LOXHD1: variants seen among roughly 807,000 people sequenced by gnomAD.
The protein encoded by LOXHD1 is lipoxygenase homology domain-containing protein 1.
Under a neutral mutation model 248.2 loss-of-function variants are expected in LOXHD1, and 205 were observed. That is an observed-to-expected ratio of 0.83 (90% CI 0.74 to 0.93). The LOEUF is 0.93. LOXHD1 is among the 40% of genes least tolerant of loss of function. The pLI, the probability that LOXHD1 is intolerant of heterozygous loss-of-function variation, is 0.00. For synonymous variants in LOXHD1, 1,113 were observed against 1,162.8 expected, an observed-to-expected ratio of 0.96 and a Z score of 0.87; for missense variants, 2,930 against 2,971.6, an observed-to-expected ratio of 0.99 and a Z score of 0.33.
chr18:46,603,498 A>G (rs1284266231), intron 7 of LOXHD1, among the ~76,000 whole-genome samples: 4 of 152,142 alleles, frequency 2.6e-5, no homozygotes, highest in Non-Finnish European at 4.4e-5. Flanking sequence ...GATGTACACA[A>G]TATCAACGTT....
intron 20 of LOXHD1, 84 bp downstream of exon 20, chr18:46,559,364 T>C (rs759711256): frequency 5.4e-5 from 83 of 1,549,796 alleles, no homozygotes; most frequent in Non-Finnish European, 6.7e-5. Context: ...ACAGCAGCCA[T>C]TGTGCTGCGA....
intron 20 of LOXHD1, 169 bp downstream of exon 20, chr18:46,559,279 C>T: frequency 6.5e-7 from 1 of 1,536,316 alleles, no homozygotes; most frequent in South Asian, 1.2e-5. Flanking sequence ...CTCATAACCC[C>T]TCCACAAAGT....
intron 8 of LOXHD1, among the ~76,000 whole-genome samples, chr18:46,598,808 A>T (rs893414284): frequency 3.3e-5 from 5 of 152,190 alleles, no homozygotes; most frequent in African/African-American, 1.2e-4. Context: ...GAAGACATAA[A>T]TTTTAAGAAG....
At chr18:46,531,400 C>G (rs78648213) in intron 28 of LOXHD1, among the ~76,000 whole-genome samples, 6 of 152,168 alleles carry the variant, frequency 3.9e-5, no homozygotes, top group African/African-American at 1.4e-4. Context: ...CAACAGTTGA[C>G]GGTCTCCCCC....
intron 2 of LOXHD1, among the ~76,000 whole-genome samples, chr18:46,648,137 A>G (rs1416304476): frequency 6.6e-6 from 1 of 152,244 alleles, no homozygotes; most frequent in Non-Finnish European, 1.5e-5. Flanking sequence ...ACACGCCTGT[A>G]GTTCCAGCTA....
chr18:46,582,040 G>T (rs569794852), intron 12 of LOXHD1, among the ~76,000 whole-genome samples: 2 of 152,264 alleles, frequency 1.3e-5, no homozygotes, highest in Admixed American at 1.3e-4. Flanking sequence ...AAATATTAAA[G>T]AAACCTTCAT....
chr18:46,532,744 G>T (rs2036129004), intron 28 of LOXHD1, among the ~76,000 whole-genome samples: 1 of 152,168 alleles, frequency 6.6e-6, no homozygotes, highest in South Asian at 2.1e-4. Flanking sequence ...AATCAAGAAG[G>T]TTTCTTGATT....
intron 24 of LOXHD1, 64 bp from the exon 25 acceptor site, chr18:46,542,004 C>G (rs974862099): frequency 2.1e-6 from 3 of 1,450,842 alleles, no homozygotes; most frequent in South Asian, 1.4e-5. Context: ...CTGTGGGTAA[C>G]TTCAGGGACT....
intron 33 of LOXHD1, chr18:46,520,325 CAAG>C (rs2035510702): frequency 2.1e-6 from 1 of 470,962 alleles, no homozygotes; most frequent in Non-Finnish European, 4.4e-6. Flanking sequence ...TGACCTGGTC[CAAG>C]AAGCCCATTG....
In LOXHD1 at chr18:46,592,591, T is replaced by C. The variant is rs1431278670; in HGVS notation, c.1432-7A>G. The stretch of plus-strand genomic sequence containing the variant: ...CAAGATCCGGGAGCTCAATCTATGG[T>C]GAGAAATAAAAACATTTGAGTGGGC... On this transcript the variant is annotated splice_region_variant and splice_polypyrimidine_tract_variant and intron_variant, in intron 10 of 40. Transcript: ENST00000642948. The C allele has an allele frequency of 1.3e-6, 2 of 1,550,322 alleles. No homozygotes were observed. Among genetic ancestry groups the C allele is most frequent in the Non-Finnish European group, 1.7e-6 (2 of 1,145,784 alleles).
At chr18:46,543,040 A>G (rs1176219427) in intron 23 of LOXHD1, among the ~76,000 whole-genome samples, 185 bp from the exon 24 acceptor site, 2 of 152,186 alleles carry the variant, frequency 1.3e-5, no homozygotes, top group East Asian at 3.8e-4. Flanking sequence ...TTTTATTTCA[A>G]TAGCTTTTGG....
chr18:46,587,479 G>A (rs2144199788), intron 12 of LOXHD1, among the ~76,000 whole-genome samples: 1 of 152,258 alleles, frequency 6.6e-6, no homozygotes, highest in African/African-American at 2.4e-5. Flanking sequence ...GGTCCCTTTG[G>A]TTGGAAGTTC....
At chr18:46,579,557 G>T in intron 13 of LOXHD1, 73 bp downstream of exon 13, 4 of 1,539,250 alleles carry the variant, frequency 2.6e-6, no homozygotes, top group Non-Finnish European at 3.5e-6. Context: ...CTTTAACAGG[G>T]CAGGGAAGAC....
At chr18:46,550,580 A>G (rs796595043) in intron 21 of LOXHD1, among the ~76,000 whole-genome samples, 6 of 59,476 alleles carry the variant, frequency 1.0e-4, no homozygotes, top group African/African-American at 2.6e-4. Context: ...ACTCCGTCTC[A>G]AAAAAAAAAA....
At chr18:46,592,299 T>A (rs1016543097) in intron 11 of LOXHD1, among the ~76,000 whole-genome samples, 199 bp downstream of exon 11, 4 of 152,116 alleles carry the variant, frequency 2.6e-5, no homozygotes, top group Non-Finnish European at 5.9e-5. Context: ...CACCTGAGCG[T>A]TTTCTTAATC....
Position 46,649,215 on chromosome 18 carries a change from T to G in LOXHD1, c.185A>C (p.Asn62Thr). The change falls in exon 2 of 41, where the codon AAT becomes ACT. Residue 62 changes from asparagine to threonine, a missense_variant. Physicochemically the swap from Asn to Thr is moderately conservative, Grantham distance 65. Transcript: ENST00000642948. ...GDVRGAGTDA[N>T]VFITLFGENG... Reference sequence around the variant, plus strand: ...CTCTCCAAAAAGCGTGATGAAGACATTGGCATCCGTCCCTGCACCGCGAAC... The same window carrying G: ...CTCTCCAAAAAGCGTGATGAAGACAGTGGCATCCGTCCCTGCACCGCGAAC... 1 of 1,551,782 alleles carries G rather than the reference T, an allele frequency of 6.4e-7. No homozygotes were observed. The highest frequency in any genetic ancestry group is 8.7e-7 in the Non-Finnish European group (1 of 1,147,012).
At chr18:46,617,676 T>C (rs185094237) in intron 5 of LOXHD1, among the ~76,000 whole-genome samples, 108 of 152,326 alleles carry the variant, frequency 7.1e-4, no homozygotes, top group Middle Eastern at 6.8e-3. Context: ...GAGAACCACC[T>C]GTCTCATTCT....
intron 27 of LOXHD1, 118 bp downstream of exon 27, chr18:46,534,217 A>T (rs529644960): frequency 1.8e-5 from 12 of 660,390 alleles, no homozygotes; most frequent in Non-Finnish European, 2.9e-5. Flanking sequence ...AATTTTCATT[A>T]TGAGATTTTT....
At chr18:46,520,435 G>A in intron 33 of LOXHD1, 1 of 384,964 alleles carries the variant, frequency 2.6e-6, no homozygotes, top group Non-Finnish European at 5.2e-6. Context: ...TGAAACAGAG[G>A]CTTCTGGGCC....
Sources: gnomAD v4.1 joint callset for allele counts (sites outside exome capture counted in the v4.1 genomes callset) on GRCh38, gnomAD v4.1.1 for gene constraint, MANE v1.5 for transcripts, NCBI Gene and HGNC (gene_info 2026-07-23, HGNC 2026-07-21) for gene names.